The following CDK12 variants were observed in gnomAD, a reference collection of about 807,000 sequenced individuals.
CDK12 encodes cyclin-dependent kinase 12.
A neutral mutation model predicts 133.8 loss-of-function variants in CDK12; 17 were observed. That is an observed-to-expected ratio of 0.13 (90% CI 0.09 to 0.19). The LOEUF is 0.19. Among genes scored for constraint, CDK12 ranks in the 10% least tolerant of loss-of-function variants. The pLI is 1.00. For missense variants in CDK12, 1,508 were observed against 1,818.7 expected (o/e 0.83, Z 3.11); for synonymous variants, 694 against 683.6 (o/e 1.02, Z -0.24).
In CDK12 at chr17:39,462,296, T is replaced by C. The variant is rs2144858536; in HGVS notation, c.225T>C (p.Asp75=). 1 of 1,614,174 alleles carries C rather than the reference T, an allele frequency of 6.2e-7. No homozygotes were observed. The highest frequency in any genetic ancestry group is 2.2e-5 in the East Asian group (1 of 44,862). ...TVIKPLVEYD[D]ISSDSDTFSD... is the part of the protein sequence containing the mutation. ...TCAAACCTTTGGTGGAGTATGATGA[T>C]ATCAGCTCTGATTCCGACACCTTCT... is the stretch of plus-strand genomic sequence containing the variant. The change falls in exon 1 of 14, where the codon GAT becomes GAC. Residue 75 remains aspartate, a synonymous_variant. Coordinates refer to ENST00000447079, the MANE Select transcript of CDK12 (RefSeq NM_016507.4).
Position 39,462,160 on chromosome 17 carries a change from C to CT in CDK12, c.90dup (p.Asn31Ter). ...CAGCCGTCATCGGGAGGCGGCAGCT[C>CT]TAACAGCAGAGAGCGTCACCGCTTG... On this transcript the variant is annotated frameshift_variant, in exon 1 of 14. Coordinates refer to ENST00000447079, the MANE Select transcript of CDK12 (RefSeq NM_016507.4). LOFTEE classifies it high-confidence loss of function. 1 of 1,614,220 alleles carries CT rather than the reference C, an allele frequency of 6.2e-7. No individual in the cohort carries two copies. Among genetic ancestry groups the CT allele is most frequent in the Non-Finnish European group, 8.5e-7 (1 of 1,180,032 alleles).
chr17:39,466,065 TG>T (rs1410664305), intron 1 of CDK12, among the ~76,000 whole-genome samples: 7 of 151,540 alleles, frequency 4.6e-5, no homozygotes, highest in Non-Finnish European at 8.8e-5. Context: ...CCAAGCACTT[TG>T]GGAGGCCAAG....
At chr17:39,552,199 C>A (rs1195340593) in intron 2 of CDK12, among the ~76,000 whole-genome samples, 1 of 152,164 alleles carries the variant, frequency 6.6e-6, no homozygotes, top group East Asian at 1.9e-4. Flanking sequence ...CTCCTCAGAT[C>A]CCTCCAAAAC....
At chr17:39,493,476 T>C (rs1048669772) in intron 4 of CDK12, among the ~76,000 whole-genome samples, 3 of 151,578 alleles carry the variant, frequency 2.0e-5, no homozygotes, top group African/African-American at 7.3e-5. Context: ...ACCCAGCTAA[T>C]TTCTGTATTT....
chr17:39,563,574 A>G (rs1210982428), intron 3 of CDK12, among the ~76,000 whole-genome samples: 1 of 148,610 alleles, frequency 6.7e-6, no homozygotes, highest in Non-Finnish European at 1.5e-5. Context: ...AACTGCTGCC[A>G]GCCGGCATCA....
chr17:39,476,584 T>G (rs2050208556), intron 2 of CDK12, among the ~76,000 whole-genome samples: 1 of 151,710 alleles, frequency 6.6e-6, no homozygotes, highest in Admixed American at 6.6e-5. Flanking sequence ...CAACTAATTT[T>G]GTATTTTTAG....
rs1567702608 is a variant in CDK12, at chr17:39,480,279, T to TTC, written c.1931+8516_1931+8517insTC. On this transcript the variant is annotated intron_variant, in intron 2 of 13. Transcript: ENST00000447079. ...TGAAACTTTACTTTTTTTTTTTTTTTCCGAGACAGAGTCTTACTTTGTCGT... is the reference window on the plus strand; with the variant it reads ...TGAAACTTTACTTTTTTTTTTTTTTTTCCCGAGACAGAGTCTTACTTTGTCGT... Among the ~76,000 whole-genome samples, 23 of 149,428 alleles carry TTC rather than the reference T, an allele frequency of 1.5e-4. 1 individual carries two copies. Among genetic ancestry groups the TTC allele is most frequent in the Admixed American group, 2.0e-4 (3 of 14,906 alleles).
chr17:39,483,847 CTT>C (rs901816018), intron 2 of CDK12, among the ~76,000 whole-genome samples: 2 of 147,380 alleles, frequency 1.4e-5, no homozygotes. Context: ...TATATTTTTT[CTT>C]TTTTTTTTGT....
chr17:39,537,696 G>T (rs2055202493), downstream of CDK12, among the ~76,000 whole-genome samples: 1 of 151,752 alleles, frequency 6.6e-6, no homozygotes, highest in Non-Finnish European at 1.5e-5. Context: ...CCAAGTAGCT[G>T]GGATTACAGG....
chr17:39,469,067 TCTG>T (rs2049580417), intron 1 of CDK12, among the ~76,000 whole-genome samples: 1 of 150,368 alleles, frequency 6.7e-6, no homozygotes, highest in Non-Finnish European at 1.5e-5. Flanking sequence ...GACCTCGTGA[TCTG>T]CTGCCTCGGC....
chr17:39,562,241 G>A (rs1350698394), intron 3 of CDK12, among the ~76,000 whole-genome samples: 1 of 152,156 alleles, frequency 6.6e-6, no homozygotes, highest in African/African-American at 2.4e-5. Context: ...CCCAGCTGGG[G>A]ACTATAAGAA....
At chr17:39,536,358 A>G (rs781525728), downstream of CDK12, among the ~76,000 whole-genome samples, 4 of 152,196 alleles carry the variant, frequency 2.6e-5, no homozygotes, top group African/African-American at 9.7e-5. Flanking sequence ...TGGATCCTCA[A>G]CCTACTGTAG....
At position 39,561,523 on chromosome 17, in the gene CDK12, T is replaced by G. The variant is rs890362153; in HGVS notation, n.485-3237T>G. Among the ~76,000 whole-genome samples the G allele has an allele frequency of 2.0e-5, 3 of 152,292 alleles. No individual in the cohort carries two copies. In the East Asian group the frequency reaches 5.8e-4, roughly 29 times the overall value. On this transcript the variant is annotated intron_variant and non_coding_transcript_variant, in intron 3 of 3. Coordinates refer to the CDK12 transcript ENST00000558240. ...TCAGGAGAAGCTAGAGAAATTGTTTTGTCTGTCACTCAGCCTCTGGGGCAC... is the reference window on the plus strand; with the variant it reads ...TCAGGAGAAGCTAGAGAAATTGTTTGGTCTGTCACTCAGCCTCTGGGGCAC...
chr17:39,464,558 T>C (rs2049161653), intron 1 of CDK12, among the ~76,000 whole-genome samples: 1 of 151,796 alleles, frequency 6.6e-6, no homozygotes, highest in South Asian at 2.1e-4. Context: ...TTCAGTGTAA[T>C]TTTTGCTGAC....
upstream of CDK12, among the ~76,000 whole-genome samples, chr17:39,544,733 C>T (rs1409760733): frequency 1.3e-5 from 2 of 150,018 alleles, no homozygotes; most frequent in South Asian, 2.1e-4. Flanking sequence ...GGGGTTCAAG[C>T]GATTCTCCTG....
intron 6 of CDK12, among the ~76,000 whole-genome samples, chr17:39,508,141 T>C (rs2053250304): frequency 6.6e-6 from 1 of 152,224 alleles, no homozygotes; most frequent in Non-Finnish European, 1.5e-5. Flanking sequence ...AATGTTCCAC[T>C]GAGCATTTCC....
chr17:39,521,916 G>C (rs1234772928), intron 11 of CDK12, among the ~76,000 whole-genome samples: 1 of 148,796 alleles, frequency 6.7e-6, no homozygotes, highest in Non-Finnish European at 1.5e-5. Flanking sequence ...TGTCCAGACT[G>C]TCTCAAACTC....
chr17:39,491,385 T>A (rs773201998), intron 3 of CDK12, among the ~76,000 whole-genome samples: 2 of 152,024 alleles, frequency 1.3e-5, no homozygotes, highest in Non-Finnish European at 2.9e-5. Flanking sequence ...TACAGGCACG[T>A]GCCACCACGC....
rs1407204939 is a variant in CDK12 at position 39,470,350 on chromosome 17, T to C, written c.1047-529T>C. 3.9e-5 allele frequency among the ~76,000 whole-genome samples: 6 copies of C among 152,026 alleles called. No homozygotes were observed. In the East Asian group the frequency reaches 1.2e-3, roughly 30 times the overall value. On this transcript the variant is annotated intron_variant, in intron 1 of 13. Transcript: ENST00000447079. The stretch of plus-strand genomic sequence containing the variant: ...GTTAGCCAGGATGGTCTCGATCTGC[T>C]GACCTGGTGATCTGCCCGCCTCAGC...
Sources: allele counts gnomAD v4.1 joint callset (sites outside exome capture counted in the v4.1 genomes callset), GRCh38; gene constraint gnomAD v4.1.1; transcripts MANE v1.5; gene names NCBI Gene and HGNC (gene_info 2026-07-23, HGNC 2026-07-21).